SNX29: variants seen among roughly 807,000 people sequenced by gnomAD.
SNX29 encodes the protein sorting nexin 29, also known as sorting nexin-29.
Under a neutral mutation model 102.1 loss-of-function variants are expected in SNX29, and 78 were observed. The observed-to-expected ratio is 0.76, with a 90% CI of 0.64 to 0.92. SNX29 has a LOEUF of 0.92. Ranked by LOEUF, SNX29 falls within the 40% of genes least tolerant of loss-of-function variation. SNX29 has a pLI of 0.00. For missense variants in SNX29, 1,280 were observed against 1,061.7 expected (o/e 1.21, Z -2.86); for synonymous variants, 580 against 414.5 (o/e 1.40, Z -4.85).
At position 12,564,679 on chromosome 16, in the gene SNX29, CCT is replaced by C. The variant is rs571913867; in HGVS notation, c.2319-3824_2319-3823del. Among the ~76,000 whole-genome samples, 1,024 of 152,296 alleles carry C rather than the reference CCT, an allele frequency of 6.7e-3. 11 individuals are homozygous for C. The highest frequency in any genetic ancestry group is 0.024 in the African/African-American group (990 of 41,566). On this transcript the variant is annotated intron_variant, in intron 20 of 20. Transcript: ENST00000566228. ...ATGGAACATATCTTGTCCACACATT[CCT>C]CTGTTGCTTAGGCCCCAGAGCTGCA...
chr16:12,274,647 C>A (rs553532500), intron 14 of SNX29, among the ~76,000 whole-genome samples: 4 of 152,126 alleles, frequency 2.6e-5, no homozygotes, highest in African/African-American at 9.6e-5. Flanking sequence ...AGCGATCCTT[C>A]CACCTCAGCC....
intron 14 of SNX29, among the ~76,000 whole-genome samples, chr16:12,202,422 A>G (rs938360854): frequency 6.6e-6 from 1 of 152,170 alleles, no homozygotes; most frequent in African/African-American, 2.4e-5. Flanking sequence ...TGGTGATGTC[A>G]GATTTGCCGG....
At chr16:12,324,454 T>A in intron 15 of SNX29, among the ~76,000 whole-genome samples, 1 of 152,022 alleles carries the variant, frequency 6.6e-6, no homozygotes, top group East Asian at 1.9e-4. Flanking sequence ...TTTGTTTGTT[T>A]GTGGAGATGG....
intron 16 of SNX29, among the ~76,000 whole-genome samples, chr16:12,358,849 A>G (rs940084950): frequency 2.0e-5 from 3 of 152,234 alleles, no homozygotes; most frequent in African/African-American, 7.2e-5. Flanking sequence ...AGGTAGCTGA[A>G]TAAGTGGAGA....
chr16:12,560,318 A>G (rs944809571), intron 20 of SNX29, among the ~76,000 whole-genome samples: 4 of 152,166 alleles, frequency 2.6e-5, no homozygotes, highest in Non-Finnish European at 5.9e-5. Flanking sequence ...GTCATGAAAA[A>G]ATAATGCTGG....
chr16:12,476,280 C>T (rs2087589144), intron 18 of SNX29, among the ~76,000 whole-genome samples: 1 of 140,344 alleles, frequency 7.1e-6, no homozygotes, highest in Non-Finnish European at 1.5e-5. Flanking sequence ...TGCCACTGCC[C>T]TCCAGCCTGG....
intron 13 of SNX29, chr16:12,135,710 G>A: frequency 1.1e-6 from 1 of 935,252 alleles, no homozygotes; most frequent in Non-Finnish European, 1.5e-6. Flanking sequence ...TCATGTATGT[G>A]AGCCAATAAA....
chr16:12,283,046 A>G (rs990926269), intron 15 of SNX29, among the ~76,000 whole-genome samples: 2 of 152,208 alleles, frequency 1.3e-5, no homozygotes, highest in Admixed American at 1.3e-4. Context: ...GAGGAGGCAC[A>G]CTTTACTCTG....
rs372761841 is a variant in SNX29 at position 12,568,612 on chromosome 16, C to T, written c.2425C>T (p.Gln809Ter). Residue 809 changes from glutamine to a stop codon, truncating the protein, a stop_gained, in exon 21 of 21, where the codon CAG becomes TAG. Coordinates refer to ENST00000566228, the MANE Select transcript of SNX29 (RefSeq NM_032167.5). LOFTEE classifies it high-confidence loss of function. ...QPRETRNVEP[Q>*]SGDL ...CCGGGAGACCCGCAACGTGGAGCCC[C>T]AGAGCGGTGACCTCTGACCTCGACA... 6 of 1,604,202 alleles carry T rather than the reference C, an allele frequency of 3.7e-6. No homozygotes were observed. The highest frequency in any genetic ancestry group is 1.1e-5 in the South Asian group (1 of 91,082).
At chr16:12,541,074 T>G (rs1176355074) in intron 20 of SNX29, among the ~76,000 whole-genome samples, 1 of 152,158 alleles carries the variant, frequency 6.6e-6, no homozygotes, top group Non-Finnish European at 1.5e-5. Flanking sequence ...AGTTATTGAC[T>G]AGCTGCCTCA....
intron 4 of SNX29, chr16:12,029,726 G>T (rs973256604): frequency 4.9e-6 from 2 of 411,838 alleles, no homozygotes; most frequent in African/African-American, 4.2e-5. Context: ...TGAGTAGCTG[G>T]GACTATAGGT....
chr16:12,180,947 T>C (rs1181909791), intron 13 of SNX29, among the ~76,000 whole-genome samples: 1 of 152,178 alleles, frequency 6.6e-6, no homozygotes, highest in Non-Finnish European at 1.5e-5. Context: ...CTGGATCTTC[T>C]TTTTCCCTCT....
At chr16:12,546,863 A>T (rs1459801889) in intron 20 of SNX29, among the ~76,000 whole-genome samples, 1 of 152,238 alleles carries the variant, frequency 6.6e-6, no homozygotes, top group African/African-American at 2.4e-5. Context: ...CACCAGTAAG[A>T]TCAGGCTGGT....
chr16:12,454,320 A>G (rs1332219051), intron 18 of SNX29, among the ~76,000 whole-genome samples: 2 of 152,200 alleles, frequency 1.3e-5, no homozygotes, highest in Non-Finnish European at 2.9e-5. Context: ...AGCCATCCCA[A>G]TTCTGGACTG....
At chr16:12,245,010 G>A (rs74641280) in intron 14 of SNX29, among the ~76,000 whole-genome samples, 5,342 of 152,292 alleles carry the variant, frequency 0.035, 144 homozygotes, top group Non-Finnish European at 0.047. Context: ...AGTGGTGGTA[G>A]CATCGCTTTA....
At chr16:12,225,461 C>G (rs13380622) in intron 14 of SNX29, among the ~76,000 whole-genome samples, 10,766 of 152,182 alleles carry the variant, frequency 0.071, 1,140 homozygotes, top group African/African-American at 0.23. Flanking sequence ...AAAAACGGGA[C>G]TTTCCCTGCA....
At chr16:12,322,824 T>TGACCATTGTCAGGATGTGGTCACTAGAG (rs2080984793) in intron 15 of SNX29, among the ~76,000 whole-genome samples, 1 of 129,580 alleles carries the variant, frequency 7.7e-6, no homozygotes, top group African/African-American at 2.9e-5. Flanking sequence ...GAATCACTGA[T>TGACCATTGTCAGGATGTGGTCACTAGAG]GACCACTGTC....
intron 19 of SNX29, among the ~76,000 whole-genome samples, chr16:12,517,477 T>C (rs2089916122): frequency 6.6e-6 from 1 of 152,200 alleles, no homozygotes; most frequent in South Asian, 2.1e-4. Flanking sequence ...GTCTGTCCAC[T>C]CCACCACCAG....
chr16:12,094,994 T>A (rs1167625942), intron 11 of SNX29: 1 of 152,140 alleles, frequency 6.6e-6, no homozygotes, highest in African/African-American at 2.4e-5. Flanking sequence ...TGTGTATGTT[T>A]GGGAGCTTTT....
Sources: allele counts gnomAD v4.1 joint callset (sites outside exome capture counted in the v4.1 genomes callset), GRCh38; gene constraint gnomAD v4.1.1; transcripts MANE v1.5; gene names NCBI Gene and HGNC (gene_info 2026-07-23, HGNC 2026-07-21).